SBF2: variants seen among roughly 807,000 people sequenced by gnomAD.
SBF2 encodes SET binding factor 2.
A neutral mutation model predicts 225.2 loss-of-function variants in SBF2; 112 were observed. The ratio of observed to expected loss-of-function variants is 0.50; its 90% CI spans 0.43 to 0.58. The LOEUF (loss-of-function observed/expected upper bound fraction) is 0.58, where lower values mean the gene tolerates loss of function less well. SBF2 is among the 20% of genes least tolerant of loss of function. The pLI is 0.00. For synonymous variants in SBF2, 763 were observed against 773.3 expected (o/e 0.99, Z 0.22); for missense variants, 1,996 against 2,206.2 (o/e 0.90, Z 1.91).
intron 36 of SBF2, among the ~76,000 whole-genome samples, chr11:9,787,388 C>A (rs764764213): frequency 6.6e-6 from 1 of 152,172 alleles, no homozygotes; most frequent in African/African-American, 2.4e-5. Context: ...GAACCCAATA[C>A]TTTTCCTTGG....
chr11:10,281,937 T>C (rs1963434309), intron 1 of SBF2, among the ~76,000 whole-genome samples: 1 of 152,186 alleles, frequency 6.6e-6, no homozygotes, highest in South Asian at 2.1e-4. Flanking sequence ...CTTTCCATTT[T>C]CAACAAGCCA....
intron 1 of SBF2, among the ~76,000 whole-genome samples, chr11:10,194,568 T>C (rs1049363836): frequency 6.6e-6 from 1 of 152,110 alleles, no homozygotes; most frequent in African/African-American, 2.4e-5. Context: ...TGGAGTGCAG[T>C]TGTATGATCT....
chr11:10,022,474 C>T (rs1230877834), intron 6 of SBF2, among the ~76,000 whole-genome samples: 1 of 151,942 alleles, frequency 6.6e-6, no homozygotes, highest in Admixed American at 6.6e-5. Flanking sequence ...TTATAAAACA[C>T]AGATATAGAA....
At chr11:10,193,288 AC>A (rs1420634214) in intron 2 of SBF2, among the ~76,000 whole-genome samples, 1 of 151,156 alleles carries the variant, frequency 6.6e-6, no homozygotes, top group Non-Finnish European at 1.5e-5. Context: ...CTAGGCTAAG[AC>A]TTTTACTAAA....
At chr11:10,004,998 C>A (rs571261754) in intron 6 of SBF2, among the ~76,000 whole-genome samples, 9 of 152,096 alleles carry the variant, frequency 5.9e-5, no homozygotes, top group South Asian at 2.1e-4. Context: ...AGGAGAGGAT[C>A]CCCCACCCCC....
chr11:9,855,476 C>T (rs767609769), intron 19 of SBF2, among the ~76,000 whole-genome samples: 4 of 152,126 alleles, frequency 2.6e-5, no homozygotes, highest in African/African-American at 4.8e-5. Context: ...AGAATTTATG[C>T]GAGCTCGAAC....
intron 6 of SBF2, among the ~76,000 whole-genome samples, chr11:10,020,952 T>A (rs1036040164): frequency 6.7e-6 from 1 of 150,294 alleles, no homozygotes; most frequent in African/African-American, 2.4e-5. Context: ...AGATCATCGA[T>A]GGAGACATAC....
rs1862276052 is a variant in SBF2, at chr11:9,908,379, A to G, written c.1861-12368T>C. Among the ~76,000 whole-genome samples, 3 of 152,196 alleles carry G rather than the reference A, an allele frequency of 2.0e-5. 1 individual carries two copies. The South Asian group carries it at 6.2e-4, about 32-fold the overall frequency. ...GGTGGCTCACGCCTGTAATCCCAGC[A>G]CTTTGGGAGGCCGAGGCGGGTAGAT... On this transcript the variant is annotated intron_variant, in intron 16 of 39. Transcript: ENST00000256190.
chr11:10,134,724 C>T (rs1041776197), intron 2 of SBF2, among the ~76,000 whole-genome samples: 16 of 152,288 alleles, frequency 1.1e-4, no homozygotes, highest in African/African-American at 2.6e-4. Flanking sequence ...CACACGGATG[C>T]AAGAGGTAAG....
At chr11:9,827,929 A>G (rs1168542337) in intron 28 of SBF2, among the ~76,000 whole-genome samples, 2 of 152,244 alleles carry the variant, frequency 1.3e-5, no homozygotes, top group Admixed American at 1.3e-4. Flanking sequence ...GACATCAGCA[A>G]TTATTATACT....
At chr11:10,230,040 T>A (rs949921102) in intron 1 of SBF2, among the ~76,000 whole-genome samples, 2 of 152,190 alleles carry the variant, frequency 1.3e-5, no homozygotes, top group Non-Finnish European at 2.9e-5. Flanking sequence ...GCTCTTCTTG[T>A]TGAATTGATC....
chr11:10,213,827 T>C (rs1958029181), intron 1 of SBF2, among the ~76,000 whole-genome samples: 1 of 152,168 alleles, frequency 6.6e-6, no homozygotes, highest in Non-Finnish European at 1.5e-5. Context: ...CATGTCATGA[T>C]TCCAATTCCT....
At chr11:10,068,540 G>A (rs1451112483) in intron 2 of SBF2, among the ~76,000 whole-genome samples, 4 of 152,170 alleles carry the variant, frequency 2.6e-5, no homozygotes, top group Admixed American at 2.6e-4. Flanking sequence ...TTACTTAGCT[G>A]TGTGGGCTCT....
At chr11:9,884,522 T>C (rs999766718) in intron 17 of SBF2, among the ~76,000 whole-genome samples, 2 of 152,212 alleles carry the variant, frequency 1.3e-5, no homozygotes, top group African/African-American at 4.8e-5. Context: ...CTTTTCTCCA[T>C]TGGAAGCTGA....
chr11:10,121,172 A>C (rs544940472), intron 2 of SBF2, among the ~76,000 whole-genome samples: 1 of 152,316 alleles, frequency 6.6e-6, no homozygotes, highest in South Asian at 2.1e-4. Flanking sequence ...TGATGTTAAG[A>C]AACATCCACA....
intron 1 of SBF2, among the ~76,000 whole-genome samples, chr11:10,200,267 G>A (rs1238654213): frequency 6.6e-6 from 1 of 152,102 alleles, no homozygotes; most frequent in Non-Finnish European, 1.5e-5. Flanking sequence ...CTAACTCTTA[G>A]AGCTCTTGTG....
chr11:9,790,878 T>A (rs902351656), intron 33 of SBF2, 195 bp from the exon 34 acceptor site: 18 of 484,118 alleles, frequency 3.7e-5, no homozygotes, highest in African/African-American at 3.5e-4. Flanking sequence ...GGGAAACAGA[T>A]CCAGATGGAG....
intron 3 of SBF2, among the ~76,000 whole-genome samples, chr11:10,040,673 C>A (rs1565163420): frequency 6.6e-6 from 1 of 151,738 alleles, no homozygotes; most frequent in Admixed American, 6.6e-5. Context: ...AGGTTGATAA[C>A]TGTACTGTTT....
intron 17 of SBF2, among the ~76,000 whole-genome samples, chr11:9,864,318 C>T (rs1171881094): frequency 2.0e-5 from 3 of 152,030 alleles, no homozygotes; most frequent in Non-Finnish European, 4.4e-5. Flanking sequence ...GTATATTCAT[C>T]CACCAGCATT....
Sources: gnomAD v4.1 joint callset for allele counts (sites outside exome capture counted in the v4.1 genomes callset) on GRCh38, gnomAD v4.1.1 for gene constraint, MANE v1.5 for transcripts, NCBI Gene and HGNC (gene_info 2026-07-23, HGNC 2026-07-21) for gene names.